Variants in TSEN2 observed in about 807,000 individuals in gnomAD.
TSEN2 encodes tRNA splicing endonuclease subunit 2, also known as tRNA-splicing endonuclease subunit Sen2.
A neutral mutation model predicts 59.2 loss-of-function variants in TSEN2; 54 were observed. That is an observed-to-expected ratio of 0.91 (90% CI 0.73 to 1.14). The LOEUF (loss-of-function observed/expected upper bound fraction) is 1.14, where lower values mean the gene tolerates loss of function less well. TSEN2 is among the 50% of genes most tolerant of loss of function. The pLI is 0.00. For synonymous variants in TSEN2, 195 were observed against 198.2 expected (o/e 0.98, Z 0.14); for missense variants, 636 against 576.2 (o/e 1.10, Z -1.06).
chr3:12,489,811 C>G lies in TSEN2; in HGVS notation c.11C>G (p.Ala4Gly). ...TACCTCCTCTGAAAAATGGCAGAAG[C>G]AGTTTTCCATGCCCCAAAGAGGAAA... MAE[A>G]VFHAPKRKRR... The change falls in exon 2 of 12, where the codon GCA becomes GGA. Residue 4 changes from alanine (A) to glycine (G), a missense_variant. Physicochemically the swap from Ala to Gly is moderately conservative, Grantham distance 60. Coordinates refer to ENST00000284995, the MANE Select transcript of TSEN2 (RefSeq NM_025265.4). 1.2e-6 allele frequency: 2 copies of G among 1,613,456 alleles called. No homozygotes were observed. The highest frequency in any genetic ancestry group is 1.7e-6 in the Non-Finnish European group (2 of 1,179,998).
At chr3:12,510,745 TA>T (rs1199407822) in intron 6 of TSEN2, among the ~76,000 whole-genome samples, 1 of 152,164 alleles carries the variant, frequency 6.6e-6, no homozygotes, top group African/African-American at 2.4e-5. Flanking sequence ...ATTTTGTGGT[TA>T]TTTTTTTACT....
intron 1 of TSEN2, 37 bp from the exon 2 acceptor site, chr3:12,489,747 T>C: frequency 6.4e-7 from 1 of 1,573,334 alleles, no homozygotes. Context: ...AGTTATTGAT[T>C]GTCTGTTTCT....
At chr3:12,522,412 G>A (rs1429373334) in intron 8 of TSEN2, among the ~76,000 whole-genome samples, 1 of 151,182 alleles carries the variant, frequency 6.6e-6, no homozygotes, top group Non-Finnish European at 1.5e-5. Context: ...CCAGGTCTCT[G>A]ACCCACACAC....
intron 6 of TSEN2, among the ~76,000 whole-genome samples, chr3:12,506,187 T>C (rs2054817314): frequency 1.4e-5 from 2 of 147,702 alleles, no homozygotes; most frequent in Non-Finnish European, 2.9e-5. Context: ...ATGGAGTCTC[T>C]ACTTTTCATA....
intron 4 of TSEN2, among the ~76,000 whole-genome samples, chr3:12,501,175 A>G (rs117860568): frequency 0.024 from 3,680 of 152,334 alleles, 64 homozygotes; most frequent in South Asian, 0.059. Flanking sequence ...GACACCCTGC[A>G]GGTTGTGGCA....
intron 4 of TSEN2, among the ~76,000 whole-genome samples, chr3:12,497,610 A>G (rs2053881477): frequency 6.6e-6 from 1 of 152,228 alleles, no homozygotes; most frequent in African/African-American, 2.4e-5. Context: ...GGGATCAGAA[A>G]TAGCAGCAGC....
chr3:12,484,554 G>T lies in TSEN2; in HGVS notation c.-344G>T, dbSNP rs999923922. 4 of 152,300 alleles carry T rather than the reference G, an allele frequency of 2.6e-5. No individual in the cohort carries two copies. The highest frequency in any genetic ancestry group is 9.6e-5 in the African/African-American group (4 of 41,460). 9.4% of individuals were successfully genotyped at this position (152,300 alleles called of 1,614,324 possible). A position where few individuals can be genotyped will look rare whatever the true frequency, so the allele number is the denominator to read the frequency against. Reference sequence around the variant, plus strand: ...GGGCGAGGAAAGCGCGGCCCTTTCCGAGTTTGGTGTTTTGCAGCGAAAGGA... The same window carrying T: ...GGGCGAGGAAAGCGCGGCCCTTTCCTAGTTTGGTGTTTTGCAGCGAAAGGA... On this transcript the variant is annotated 5_prime_UTR_variant, in exon 1 of 12. Transcript: ENST00000284995.
At chr3:12,496,969 C>G (rs1450518838) in intron 4 of TSEN2, among the ~76,000 whole-genome samples, 1 of 152,146 alleles carries the variant, frequency 6.6e-6, no homozygotes, top group Admixed American at 6.5e-5. Flanking sequence ...CCTAGACATT[C>G]CCGGAACGTT....
At chr3:12,506,923 C>T in intron 6 of TSEN2, 3 of 951,310 alleles carry the variant, frequency 3.2e-6, no homozygotes, top group Non-Finnish European at 3.8e-6. Flanking sequence ...GGCCGGGCGC[C>T]GTGGCTCACA....
chr3:12,521,750 G>A (rs192914826), intron 8 of TSEN2, among the ~76,000 whole-genome samples: 8 of 152,192 alleles, frequency 5.3e-5, no homozygotes, highest in East Asian at 3.9e-4. Context: ...GGTGGCTCAC[G>A]CCTGTAATCC....
chr3:12,485,434 A>G (rs182577587), intron 1 of TSEN2, among the ~76,000 whole-genome samples: 9 of 152,284 alleles, frequency 5.9e-5, no homozygotes, highest in African/African-American at 2.2e-4. Flanking sequence ...TAAGAAGTAA[A>G]GATTTCTCAG....
intron 4 of TSEN2, among the ~76,000 whole-genome samples, chr3:12,500,458 A>T (rs2054183917): frequency 1.3e-5 from 2 of 152,346 alleles, no homozygotes; most frequent in South Asian, 2.1e-4. Flanking sequence ...CAGAGGTAGA[A>T]GTGCTAAGTG....
downstream of TSEN2, among the ~76,000 whole-genome samples, chr3:12,537,995 G>A (rs992868229): frequency 3.3e-5 from 5 of 152,134 alleles, no homozygotes; most frequent in African/African-American, 1.2e-4. Flanking sequence ...GGGTTTTGTT[G>A]ATTTCTTGAA....
intron 6 of TSEN2, 110 bp downstream of exon 6, chr3:12,505,341 T>C: frequency 1.3e-6 from 1 of 768,726 alleles, no homozygotes; most frequent in East Asian, 2.6e-5. Context: ...TTATTGAATA[T>C]TGTAATTCAG....
intron 8 of TSEN2, among the ~76,000 whole-genome samples, chr3:12,521,410 G>A (rs2056626242): frequency 6.6e-6 from 1 of 152,214 alleles, no homozygotes; most frequent in African/African-American, 2.4e-5. Flanking sequence ...AAGGTCAACT[G>A]TAGTCAAAAA....
At chr3:12,503,186 G>T (rs1315969580) in intron 4 of TSEN2, 76 bp from the exon 5 acceptor site, 19 of 1,559,592 alleles carry the variant, frequency 1.2e-5, no homozygotes, top group Non-Finnish European at 1.6e-5. Context: ...TCACCTTCCA[G>T]TCTGTTTTAT....
chr3:12,498,793 A>C (rs2054007626), intron 4 of TSEN2, among the ~76,000 whole-genome samples: 1 of 152,232 alleles, frequency 6.6e-6, no homozygotes, highest in African/African-American at 2.4e-5. Context: ...ACGTCCCCCA[A>C]CCAAAACCAA....
intron 1 of TSEN2, among the ~76,000 whole-genome samples, 179 bp from the exon 2 acceptor site, chr3:12,489,605 A>G (rs577879097): frequency 6.6e-6 from 1 of 152,318 alleles, no homozygotes. Context: ...CTAGGTCAAT[A>G]TGATTTACAT....
chr3:12,500,317 C>T (rs2054170886), intron 4 of TSEN2, among the ~76,000 whole-genome samples: 1 of 152,176 alleles, frequency 6.6e-6, no homozygotes, highest in Non-Finnish European at 1.5e-5. Flanking sequence ...CTCTTTTCAT[C>T]ATATCTGACT....
Sources: gnomAD v4.1 joint callset for allele counts (sites outside exome capture counted in the v4.1 genomes callset) on GRCh38, gnomAD v4.1.1 for gene constraint, MANE v1.5 for transcripts, NCBI Gene and HGNC (gene_info 2026-07-23, HGNC 2026-07-21) for gene names.